ASXL3: variants seen among roughly 807,000 people sequenced by gnomAD.
ASXL3 encodes the protein putative Polycomb group protein ASXL3.
ASXL3 carries 34 observed loss-of-function variants against 170.6 expected under a neutral mutation model. That is an observed-to-expected ratio of 0.20 (90% CI 0.15 to 0.27). ASXL3 has a LOEUF of 0.27. Ranked by LOEUF, ASXL3 falls within the 10% of genes least tolerant of loss-of-function variation. The probability of loss-of-function intolerance (pLI) is 1.00; values close to 1 mark genes in which losing one functional copy is unlikely to be tolerated. For synonymous variants in ASXL3, 1,002 were observed against 989.1 expected (o/e 1.01, Z -0.24); for missense variants, 2,592 against 2,695.3 (o/e 0.96, Z 0.85).
intron 6 of ASXL3, among the ~76,000 whole-genome samples, chr18:33,671,171 C>T (rs2066334821): frequency 6.6e-6 from 1 of 152,134 alleles, no homozygotes; most frequent in Non-Finnish European, 1.5e-5. Flanking sequence ...ATTTGTTTTT[C>T]AGTCCTGTGC....
chr18:33,743,776 G>A lies in ASXL3; in HGVS notation c.3928G>A (p.Glu1310Lys), dbSNP rs1425678046. The change falls in exon 12 of 12, where the codon GAG becomes AAG. Residue 1310 changes from glutamate (E) to lysine (K), a missense_variant. Coordinates refer to ENST00000269197, the MANE Select transcript of ASXL3 (RefSeq NM_030632.3). ...AAGCACTCCCATTTCAGCCACTACA[G>A]AGGGCTCCAGCATATCAAGCTCCAT... ...IESTPISATT[E>K]GSSISSSMDD... 6.2e-7 allele frequency: 1 copy of A among 1,613,988 alleles called. No homozygotes were observed. Among genetic ancestry groups the A allele is most frequent in the Non-Finnish European group, 8.5e-7 (1 of 1,179,906 alleles).
chr18:33,581,935 C>A (rs1353212149), intron 1 of ASXL3, among the ~76,000 whole-genome samples: 1 of 152,034 alleles, frequency 6.6e-6, no homozygotes, highest in African/African-American at 2.4e-5. Context: ...TTTTTTTCCC[C>A]TTCTTTTTTC....
chr18:33,747,991 C>G lies in ASXL3; in HGVS notation c.*1396C>G, dbSNP rs2067824027. 2 of 152,098 alleles carry G rather than the reference C, an allele frequency of 1.3e-5. No individual in the cohort carries two copies. The highest frequency in any genetic ancestry group is 2.9e-5 in the Non-Finnish European group (2 of 68,030). 9.4% of individuals were successfully genotyped at this position (152,098 alleles called of 1,614,324 possible). On this transcript the variant is annotated 3_prime_UTR_variant, in exon 12 of 12. Coordinates refer to ENST00000269197, the MANE Select transcript of ASXL3 (RefSeq NM_030632.3). The stretch of plus-strand genomic sequence containing the variant: ...TCAAAAGCAAGTTCAAAAGCACATG[C>G]ACATTGAGGGAAGATGAAAGAAAAC...
rs763596943 is a variant in ASXL3 at position 33,745,657 on chromosome 18, G to A, written c.5809G>A (p.Ala1937Thr). 5 of 1,613,828 alleles carry A rather than the reference G, an allele frequency of 3.1e-6. No homozygotes were observed. Among genetic ancestry groups the A allele is most frequent in the Admixed American group, 1.7e-5 (1 of 60,002 alleles). ...HRQQFYQMPV[A>T]ARGPIPTAAL... ...ACAGCAGTTTTACCAAATGCCTGTG[G>A]CTGCCAGGGGCCCCATTCCTACTGC... The change falls in exon 12 of 12, where the codon GCT becomes ACT. Residue 1937 changes from alanine (A) to threonine (T), a missense_variant. Coordinates refer to ENST00000269197, the MANE Select transcript of ASXL3 (RefSeq NM_030632.3).
At chr18:33,674,276 CT>C (rs1267843131) in intron 7 of ASXL3, among the ~76,000 whole-genome samples, 13 of 152,288 alleles carry the variant, frequency 8.5e-5, no homozygotes, top group African/African-American at 3.1e-4. Context: ...CATGGTGAGA[CT>C]ACCATAGGTG....
At chr18:33,678,578 A>G (rs1252236860) in intron 7 of ASXL3, among the ~76,000 whole-genome samples, 1 of 152,208 alleles carries the variant, frequency 6.6e-6, no homozygotes, top group African/African-American at 2.4e-5. Flanking sequence ...TTATCATGAG[A>G]TCAGTCAGGT....
In ASXL3 at chr18:33,598,745, G is replaced by A. The variant is rs564722755; in HGVS notation, c.55-8849G>A. ...TAAGAAATGATGACATATGAACCTCGATGACAAGACACTGTAAGAATCTGC... is the reference window on the plus strand; with the variant it reads ...TAAGAAATGATGACATATGAACCTCAATGACAAGACACTGTAAGAATCTGC... On this transcript the variant is annotated intron_variant, in intron 1 of 11. Transcript: ENST00000269197. Among the ~76,000 whole-genome samples the A allele has an allele frequency of 3.9e-5, 6 of 152,210 alleles. No homozygotes were observed. The South Asian group carries it at 1.2e-3, about 32-fold the overall frequency.
At position 33,646,248 on chromosome 18, in the gene ASXL3, G is replaced by A; in HGVS notation, c.250G>A (p.Glu84Lys). Residue 84 changes from glutamate to lysine, a missense_variant, in exon 4 of 12, where the codon GAG becomes AAG. This residue lies in a region of ASXL3 where 251 missense variants were observed against 281.9 expected (regional missense o/e 0.89). Coordinates refer to ENST00000269197, the MANE Select transcript of ASXL3 (RefSeq NM_030632.3). ...GKSGLYALKKEESSCPADGTL... is the reference protein window; with the variant it reads ...GKSGLYALKKKESSCPADGTL... ...ATCACTTTTCAAAATAATACAGAAAGAGGAGTCGTCATGCCCAGCAGATGG... is the reference window on the plus strand; with the variant it reads ...ATCACTTTTCAAAATAATACAGAAAAAGGAGTCGTCATGCCCAGCAGATGG... 1 of 1,610,170 alleles carries A rather than the reference G, an allele frequency of 6.2e-7. No homozygotes were observed. The highest frequency in any genetic ancestry group is 8.5e-7 in the Non-Finnish European group (1 of 1,177,398).
rs939965039 is a variant in ASXL3, at chr18:33,748,882, A to G, written c.*2287A>G. Reference sequence around the variant, plus strand: ...CTTTGCACTCAGTATGTGAGGTACAATTGAGGCTGATGAGATACTGAGCTC... The same window carrying G: ...CTTTGCACTCAGTATGTGAGGTACAGTTGAGGCTGATGAGATACTGAGCTC... On this transcript the variant is annotated 3_prime_UTR_variant, in exon 12 of 12. Coordinates refer to ENST00000269197, the MANE Select transcript of ASXL3 (RefSeq NM_030632.3). The G allele has an allele frequency of 3.9e-5, 6 of 152,174 alleles. No individual in the cohort carries two copies. Among genetic ancestry groups the G allele is most frequent in the African/African-American group, 9.7e-5 (4 of 41,446 alleles). 9.4% of individuals were successfully genotyped at this position (152,174 alleles called of 1,614,324 possible).
chr18:33,640,761 A>G (rs998294170), intron 2 of ASXL3, among the ~76,000 whole-genome samples: 13 of 152,048 alleles, frequency 8.5e-5, no homozygotes, highest in Non-Finnish European at 1.6e-4. Context: ...ATTTTTTTGA[A>G]AGAATGAGCA....
intron 5 of ASXL3, among the ~76,000 whole-genome samples, chr18:33,667,625 C>A (rs2066279122): frequency 6.6e-6 from 1 of 152,066 alleles, no homozygotes; most frequent in Admixed American, 6.6e-5. Context: ...CAACCACTTT[C>A]TTCTTGTCAT....
At chr18:33,606,914 T>A (rs2065257654) in intron 1 of ASXL3, among the ~76,000 whole-genome samples, 1 of 151,966 alleles carries the variant, frequency 6.6e-6, no homozygotes, top group African/African-American at 2.4e-5. Context: ...ATGTCCTGTG[T>A]ATTCCACACC....
In ASXL3 at chr18:33,744,505, C is replaced by T. The variant is rs774404357; in HGVS notation, c.4657C>T (p.Pro1553Ser). The change falls in exon 12 of 12, where the codon CCG becomes TCG. Residue 1553 changes from proline to serine, a missense_variant. Pro to Ser is a moderately conservative substitution (Grantham distance 74). Coordinates refer to ENST00000269197, the MANE Select transcript of ASXL3 (RefSeq NM_030632.3). ...AGCAAAACAAGACAGTAAAACATTG[C>T]CGGCCACCTGCACAAGTCTCCGAGA... is the stretch of plus-strand genomic sequence containing the variant. ...SAAKQDSKTL[P>S]ATCTSLRELP... 3 of 1,612,270 alleles carry T rather than the reference C, an allele frequency of 1.9e-6. No homozygotes were observed. The highest frequency in any genetic ancestry group is 2.2e-5 in the South Asian group (2 of 90,934).
At position 33,738,555 on chromosome 18, in the gene ASXL3, GTTC is replaced by G; in HGVS notation, c.1155_1157del (p.Ser386del). 4 of 1,613,800 alleles carry G rather than the reference GTTC, an allele frequency of 2.5e-6. No individual in the cohort carries two copies. The highest frequency in any genetic ancestry group is 2.5e-6 in the Non-Finnish European group (3 of 1,179,810). On this transcript the variant is annotated inframe_deletion, in exon 11 of 12. Transcript: ENST00000269197. ...CCAAACAACGCTGGAGCTCAAAGTA[GTTC>G]TTCATGTGGGACTTCTGGCCTTCCA...
intron 1 of ASXL3, among the ~76,000 whole-genome samples, chr18:33,598,447 A>C (rs1305756458): frequency 6.6e-6 from 1 of 152,160 alleles, no homozygotes; most frequent in Non-Finnish European, 1.5e-5. Flanking sequence ...TATGTGAGAC[A>C]CTTCTCTTAG....
At chr18:33,690,532 A>C (rs960121165) in intron 8 of ASXL3, among the ~76,000 whole-genome samples, 1 of 152,178 alleles carries the variant, frequency 6.6e-6, no homozygotes, top group African/African-American at 2.4e-5. Flanking sequence ...AACACAGTTT[A>C]TATCTACATT....
chr18:33,646,199 GCTAATA>G (rs1321770704), intron 3 of ASXL3, 40 bp from the exon 4 acceptor site: 13 of 1,467,026 alleles, frequency 8.9e-6, no homozygotes, highest in African/African-American at 1.4e-5. Context: ...GTTTTTAGTT[GCTAATA>G]CATCTTCTCC....
chr18:33,671,888 C>T (rs766831529), intron 7 of ASXL3, 22 bp downstream of exon 7: 23 of 1,480,678 alleles, frequency 1.6e-5, no homozygotes, highest in Non-Finnish European at 2.1e-5. Context: ...ATAGACTATG[C>T]CATTTCACAT....
chr18:33,731,172 A>T (rs2067435798), intron 8 of ASXL3, among the ~76,000 whole-genome samples: 2 of 151,716 alleles, frequency 1.3e-5, no homozygotes, highest in Admixed American at 1.3e-4. Flanking sequence ...TAGTATTTCA[A>T]TAGGTGAAAA....
Sources: gnomAD v4.1 joint callset for allele counts (sites outside exome capture counted in the v4.1 genomes callset) on GRCh38, gnomAD v4.1.1 for gene constraint, gnomAD v4.1.1 regional missense constraint, MANE v1.5 for transcripts, NCBI Gene and HGNC (gene_info 2026-07-23, HGNC 2026-07-21) for gene names.